The following NALF1 variants were observed in gnomAD, a reference collection of about 807,000 sequenced individuals.
NALF1 encodes the protein NALCN channel auxiliary factor 1.
In NALF1, 3 loss-of-function variants were observed where a neutral mutation model predicts 48.4. The observed-to-expected ratio is 0.06, with a 90% CI of 0.03 to 0.16. NALF1 has a LOEUF of 0.16. Ranked by LOEUF, NALF1 falls within the 10% of genes least tolerant of loss-of-function variation. The pLI is 1.00. For synonymous variants in NALF1, 262 were observed against 245.7 expected (o/e 1.07, Z -0.62); for missense variants, 526 against 571.5 (o/e 0.92, Z 0.81).
At chr13:107,457,877 C>T (rs546536655) in intron 1 of NALF1, among the ~76,000 whole-genome samples, 1 of 152,326 alleles carries the variant, frequency 6.6e-6, no homozygotes, top group Admixed American at 6.5e-5. Flanking sequence ...TCTTAAAAGA[C>T]ATTTCCCAGT....
chr13:107,558,735 A>T (rs1308826841), intron 1 of NALF1, among the ~76,000 whole-genome samples: 2 of 152,194 alleles, frequency 1.3e-5, no homozygotes, highest in East Asian at 3.9e-4. Context: ...CAGAGAGATT[A>T]GCATTTTACT....
intron 1 of NALF1, among the ~76,000 whole-genome samples, chr13:107,721,722 T>C (rs2138528015): frequency 6.6e-6 from 1 of 152,224 alleles, no homozygotes; most frequent in Middle Eastern, 3.4e-3. Context: ...AGATCCCCCA[T>C]TTGCATTTCT....
chr13:107,747,543 T>G (rs1211392571), intron 1 of NALF1, among the ~76,000 whole-genome samples: 1 of 152,200 alleles, frequency 6.6e-6, no homozygotes, highest in Non-Finnish European at 1.5e-5. Flanking sequence ...TACTTTTGCA[T>G]AATGGCCAAA....
intron 1 of NALF1, among the ~76,000 whole-genome samples, chr13:107,422,681 T>TG (rs1884209414): frequency 6.6e-6 from 1 of 152,110 alleles, no homozygotes. Flanking sequence ...CTAGAACCTG[T>TG]GAAAAGACAG....
intron 1 of NALF1, among the ~76,000 whole-genome samples, chr13:107,302,152 G>C (rs1051535388): frequency 6.6e-6 from 1 of 152,138 alleles, no homozygotes; most frequent in Non-Finnish European, 1.5e-5. Flanking sequence ...ACTTGAGCTC[G>C]CAAGCTCAGC....
At chr13:107,355,586 T>A (rs1882949199) in intron 1 of NALF1, among the ~76,000 whole-genome samples, 1 of 152,030 alleles carries the variant, frequency 6.6e-6, no homozygotes. Flanking sequence ...GCTGCTCTCA[T>A]GAGTGTGAGT....
chr13:107,315,643 C>T (rs534480783), intron 1 of NALF1, among the ~76,000 whole-genome samples: 4 of 151,984 alleles, frequency 2.6e-5, no homozygotes, highest in East Asian at 3.9e-4. Context: ...GACATTGAAA[C>T]GTAATCCTTT....
intron 1 of NALF1, among the ~76,000 whole-genome samples, chr13:107,533,611 G>C (rs1876711865): frequency 6.6e-6 from 1 of 152,108 alleles, no homozygotes; most frequent in Non-Finnish European, 1.5e-5. Flanking sequence ...AACAAATGAA[G>C]ATATTCTTTA....
At chr13:107,857,951 A>G (rs751369516) in intron 1 of NALF1, among the ~76,000 whole-genome samples, 2 of 152,186 alleles carry the variant, frequency 1.3e-5, no homozygotes, top group Non-Finnish European at 2.9e-5. Flanking sequence ...AGACTCTGCC[A>G]TATTGAAATT....
chr13:107,673,326 C>A (rs1594198061), intron 1 of NALF1, among the ~76,000 whole-genome samples: 1 of 152,246 alleles, frequency 6.6e-6, no homozygotes, highest in Middle Eastern at 3.4e-3. Flanking sequence ...GCACCATACC[C>A]CTCTTATAGC....
intron 1 of NALF1, among the ~76,000 whole-genome samples, chr13:107,228,211 C>T (rs895396701): frequency 2.6e-5 from 4 of 152,156 alleles, no homozygotes; most frequent in African/African-American, 4.8e-5. Context: ...AATGAAGCAG[C>T]ATGGAATTAT....
chr13:107,857,819 A>G (rs1192148084), intron 1 of NALF1, among the ~76,000 whole-genome samples: 5 of 152,208 alleles, frequency 3.3e-5, no homozygotes, highest in Admixed American at 2.6e-4. Flanking sequence ...GAAAATTTAT[A>G]TGAGATCTCA....
At position 107,866,992 on chromosome 13, in the gene NALF1, G is replaced by A. The variant is rs1048108028; in HGVS notation, c.-396C>T. On this transcript the variant is annotated 5_prime_UTR_variant, in exon 1 of 3. Transcript: ENST00000375915. This position sits in a 1 kb window ranked among gnomAD's most constrained non-coding sequence, Gnocchi z 4.4. Reference sequence around the variant, plus strand: ...GGGCGATGGTGGAGGTGACAGGGTGGCTGGCGCGGCTCCGGTCACCCAGGC... The same window carrying A: ...GGGCGATGGTGGAGGTGACAGGGTGACTGGCGCGGCTCCGGTCACCCAGGC... 6.6e-6 allele frequency among the ~76,000 whole-genome samples: 1 copy of A among 151,854 alleles called. No homozygotes were observed. Among genetic ancestry groups the A allele is most frequent in the Non-Finnish European group, 1.5e-5 (1 of 67,912 alleles).
rs1287490346 is a variant in NALF1, at chr13:107,536,374, A to T, written c.916-325619T>A. Among the ~76,000 whole-genome samples, 21 of 152,174 alleles carry T rather than the reference A, an allele frequency of 1.4e-4. No individual in the cohort carries two copies. The South Asian group carries it at 4.4e-3, about 32-fold the overall frequency. On this transcript the variant is annotated intron_variant, in intron 1 of 2. Coordinates refer to ENST00000375915, the MANE Select transcript of NALF1 (RefSeq NM_001080396.3). ...CAAAATCTACAATGAACTCAAACAAATTTACAAGAAAACAACAAACAACCC... is the reference window on the plus strand; with the variant it reads ...CAAAATCTACAATGAACTCAAACAATTTTACAAGAAAACAACAAACAACCC...
chr13:107,297,972 G>C lies in NALF1; in HGVS notation c.916-87217C>G, dbSNP rs139584009. Among the ~76,000 whole-genome samples, 214 of 152,262 alleles carry C rather than the reference G, an allele frequency of 1.4e-3. 2 individuals are homozygous for C. Among genetic ancestry groups the C allele is most frequent in the East Asian group, 0.011 (57 of 5,164 alleles). ...ACCATCAAAGGGAGCACATCTTACA[G>C]TAAAACCCATCTGCTGTCCACCCAA... On this transcript the variant is annotated intron_variant, in intron 1 of 2. Transcript: ENST00000375915.
At chr13:107,536,520 T>C (rs373084820) in intron 1 of NALF1, among the ~76,000 whole-genome samples, 17 of 152,090 alleles carry the variant, frequency 1.1e-4, no homozygotes, top group African/African-American at 1.4e-4. Context: ...AAATCAAAAC[T>C]ACAATGAGAT....
intron 1 of NALF1, among the ~76,000 whole-genome samples, chr13:107,751,754 T>C (rs889715968): frequency 7.9e-5 from 12 of 152,146 alleles, no homozygotes; most frequent in Non-Finnish European, 1.3e-4. Flanking sequence ...TTACATTCTG[T>C]AACCGACTGC....
At chr13:107,602,926 T>C (rs1878969777) in intron 1 of NALF1, among the ~76,000 whole-genome samples, 1 of 152,206 alleles carries the variant, frequency 6.6e-6, no homozygotes, top group African/African-American at 2.4e-5. Flanking sequence ...CAAATCTTTC[T>C]CTTCTGCATG....
intron 1 of NALF1, among the ~76,000 whole-genome samples, chr13:107,358,411 C>T (rs968505790): frequency 2.0e-5 from 3 of 152,064 alleles, no homozygotes; most frequent in African/African-American, 4.8e-5. Flanking sequence ...TTTAGCAGTG[C>T]ATGATATTTA....
Sources: gnomAD v4.1 joint callset for allele counts (sites outside exome capture counted in the v4.1 genomes callset) on GRCh38, gnomAD v4.1.1 for gene constraint, Gnocchi (gnomAD v3.1) non-coding constraint, MANE v1.5 for transcripts, NCBI Gene and HGNC (gene_info 2026-07-23, HGNC 2026-07-21) for gene names.